TRPC5: variants seen among roughly 807,000 people sequenced by gnomAD.
TRPC5 encodes transient receptor potential cation channel subfamily C member 5, also known as short transient receptor potential channel 5.
In TRPC5, 9 loss-of-function variants were observed where a neutral mutation model predicts 56.5. The ratio of observed to expected loss-of-function variants is 0.16; its 90% confidence interval spans 0.10 to 0.28. TRPC5 has a LOEUF of 0.28. TRPC5 is among the 10% of genes least tolerant of loss of function. The pLI is 1.00. For missense variants in TRPC5, 469 were observed against 748.9 expected (o/e 0.63, Z 4.36); for synonymous variants, 282 against 278.5 (o/e 1.01, Z -0.13).
At chrX:111,850,534 T>C (rs1363304711) in intron 5 of TRPC5, among the ~76,000 whole-genome samples, 2 of 111,788 alleles carry the variant, frequency 1.8e-5, no homozygotes, top group Non-Finnish European at 3.8e-5. Flanking sequence ...CTTCTGTGGA[T>C]GGGTAGACCT....
chrX:111,872,487 T>C (rs139943229), intron 3 of TRPC5, among the ~76,000 whole-genome samples: 6 of 112,206 alleles, frequency 5.3e-5, no homozygotes, highest in Admixed American at 2.8e-4. Context: ...TGAATTGTTA[T>C]ACAAGACACA....
chrX:111,989,478 A>C (rs1344779109), intron 1 of TRPC5, among the ~76,000 whole-genome samples: 1 of 111,734 alleles, frequency 8.9e-6, no homozygotes, highest in Non-Finnish European at 1.9e-5. Context: ...AATGTTCAGA[A>C]TTTTCACACT....
intron 3 of TRPC5, among the ~76,000 whole-genome samples, chrX:111,899,959 C>T (rs1165317725): frequency 1.8e-5 from 2 of 110,720 alleles, no homozygotes; most frequent in East Asian, 2.8e-4. Flanking sequence ...ATCGTTGTGA[C>T]CCTTATCATC....
intron 2 of TRPC5, among the ~76,000 whole-genome samples, chrX:111,923,075 G>A (rs1926165908): frequency 9.0e-6 from 1 of 111,470 alleles, no homozygotes; most frequent in African/African-American, 3.3e-5. Flanking sequence ...CTAGGACGTA[G>A]AGAGCCCAGA....
intron 1 of TRPC5, among the ~76,000 whole-genome samples, chrX:111,964,341 C>T (rs1020548845): frequency 5.4e-5 from 6 of 112,032 alleles, no homozygotes; most frequent in Admixed American, 3.8e-4. Flanking sequence ...ACCAAATCTA[C>T]GTCTGATTGG....
In TRPC5 at chrX:111,847,255, A is replaced by G; in HGVS notation, c.1559T>C (p.Phe520Ser). 1 of 1,211,016 alleles carries G rather than the reference A, an allele frequency of 8.3e-7. No homozygotes were observed. The highest frequency in any genetic ancestry group is 1.1e-6 in the Non-Finnish European group (1 of 895,443). The change falls in exon 6 of 11, where the codon TTC (phenylalanine) becomes TCC (serine). Residue 520 changes from phenylalanine (F) to serine (S), a missense_variant. Physicochemically the swap from Phe to Ser is radical, Grantham distance 155. Transcript: ENST00000262839. Reference protein sequence around the residue: ...LGRMLLDILKFLFIYCLVLLA... With the variant: ...LGRMLLDILKSLFIYCLVLLA... ...TAGTACCAGGCAGTAGATAAAGAGGAATTTGAGGATATCAAGCAGCATGCG... is the reference window on the plus strand; with the variant it reads ...TAGTACCAGGCAGTAGATAAAGAGGGATTTGAGGATATCAAGCAGCATGCG...
At chrX:111,870,602 G>A (rs1477939478) in intron 3 of TRPC5, among the ~76,000 whole-genome samples, 1 of 111,413 alleles carries the variant, frequency 9.0e-6, no homozygotes, top group Admixed American at 9.6e-5. Context: ...ACCATAAATT[G>A]CCTCCCATCA....
In TRPC5 at chrX:111,840,897, C is replaced by A. The variant is rs752529910; in HGVS notation, c.1701-5781G>T. On this transcript the variant is annotated intron_variant, in intron 6 of 10. Transcript: ENST00000262839. ...TCCATCTTCCTTGGTATCCTCATTGCCTGGTACATAGGAATTGTTGAAGAA... is the reference window on the plus strand; with the variant it reads ...TCCATCTTCCTTGGTATCCTCATTGACTGGTACATAGGAATTGTTGAAGAA... Among the ~76,000 whole-genome samples, 11 of 112,204 alleles carry A rather than the reference C, an allele frequency of 9.8e-5. No individual in the cohort carries two copies. The Admixed American group carries it at 1.0e-3, about 11-fold the overall frequency.
At chrX:111,842,240 C>A (rs973360181) in intron 6 of TRPC5, among the ~76,000 whole-genome samples, 2 of 101,925 alleles carry the variant, frequency 2.0e-5, no homozygotes, top group African/African-American at 7.6e-5. Context: ...CGGGTTCAAG[C>A]GATTCTCCTG....
At chrX:111,829,326 AG>A (rs1922338558) in intron 7 of TRPC5, among the ~76,000 whole-genome samples, 1 of 106,608 alleles carries the variant, frequency 9.4e-6, no homozygotes, top group Non-Finnish European at 1.9e-5. Flanking sequence ...AAAAAAAAAA[AG>A]TTGGGAAAAT....
intron 1 of TRPC5, among the ~76,000 whole-genome samples, chrX:111,958,210 T>C (rs183665705): frequency 0.01 from 1,126 of 111,947 alleles, 3 homozygotes; most frequent in Non-Finnish European, 0.015. Flanking sequence ...AGAACAAATG[T>C]CCTCTCTTCA....
intron 1 of TRPC5, among the ~76,000 whole-genome samples, chrX:112,061,332 G>A (rs141906047): frequency 9.8e-5 from 11 of 111,879 alleles, no homozygotes; most frequent in African/African-American, 3.6e-4. Context: ...ACAAGTCCTG[G>A]GGGTATCCTT....
chrX:112,002,445 C>T, intron 1 of TRPC5, among the ~76,000 whole-genome samples: 1 of 111,804 alleles, frequency 8.9e-6, no homozygotes, highest in Middle Eastern at 4.6e-3. Flanking sequence ...ACCTGATCCA[C>T]CACACCCAGC....
chrX:112,025,761 A>C (rs1468899213), intron 1 of TRPC5, among the ~76,000 whole-genome samples: 1 of 111,287 alleles, frequency 9.0e-6, no homozygotes, highest in Non-Finnish European at 1.9e-5. Flanking sequence ...CACAATTCTC[A>C]CAGGAAAACC....
At chrX:111,926,704 A>T (rs1198455784) in intron 2 of TRPC5, among the ~76,000 whole-genome samples, 1 of 112,439 alleles carries the variant, frequency 8.9e-6, no homozygotes, top group African/African-American at 3.2e-5. Context: ...GCCACTATTC[A>T]TATTTCATGG....
At chrX:111,992,236 T>G (rs1928374395) in intron 1 of TRPC5, among the ~76,000 whole-genome samples, 1 of 112,353 alleles carries the variant, frequency 8.9e-6, no homozygotes, top group Non-Finnish European at 1.9e-5. Flanking sequence ...GCATGGAAAC[T>G]TTTGAAGGTG....
intron 1 of TRPC5, among the ~76,000 whole-genome samples, chrX:111,955,301 A>G (rs1361737361): frequency 8.9e-6 from 1 of 111,980 alleles, no homozygotes; most frequent in Non-Finnish European, 1.9e-5. Context: ...TCTTGCTTTA[A>G]GGGACTACAT....
chrX:112,074,317 T>TATATATA (rs773308138), intron 1 of TRPC5, among the ~76,000 whole-genome samples: 4 of 106,523 alleles, frequency 3.8e-5, no homozygotes, highest in African/African-American at 1.4e-4. Context: ...ATATATATAT[T>TATATATA]TTTTATTGGG....
chrX:111,999,349 A>G (rs1435304193), intron 1 of TRPC5, among the ~76,000 whole-genome samples: 1 of 111,495 alleles, frequency 9.0e-6, no homozygotes, highest in African/African-American at 3.3e-5. Flanking sequence ...ACTCCCACGT[A>G]TGAGTGAGAA....
Sources: gnomAD v4.1 joint callset for allele counts (sites outside exome capture counted in the v4.1 genomes callset) on GRCh38, gnomAD v4.1.1 for gene constraint, MANE v1.5 for transcripts, NCBI Gene and HGNC (gene_info 2026-07-23, HGNC 2026-07-21) for gene names.